KYAT3: variants seen among roughly 807,000 people sequenced by gnomAD.
KYAT3 encodes kynurenine aminotransferase 3.
Under a neutral mutation model 59.0 loss-of-function variants are expected in KYAT3, and 50 were observed. The ratio of observed to expected loss-of-function variants is 0.85; its 90% CI spans 0.68 to 1.07. The LOEUF (loss-of-function observed/expected upper bound fraction) is 1.07. Ranked by LOEUF, KYAT3 falls within the 50% of genes least tolerant of loss-of-function variation. The pLI is 0.00. For synonymous variants in KYAT3, 148 were observed against 177.0 expected (o/e 0.84, Z 1.30); for missense variants, 497 against 533.3 (o/e 0.93, Z 0.67).
chr1:88,964,305 T>C (rs886325324), intron 5 of KYAT3, among the ~76,000 whole-genome samples: 2 of 152,102 alleles, frequency 1.3e-5, no homozygotes, highest in Non-Finnish European at 2.9e-5. Context: ...AAGTTAAGAG[T>C]AAAGGTTATT....
chr1:88,977,544 G>A (rs1676842673), intron 2 of KYAT3, among the ~76,000 whole-genome samples: 1 of 152,124 alleles, frequency 6.6e-6, no homozygotes, highest in Non-Finnish European at 1.5e-5. Flanking sequence ...TCACCATGTT[G>A]GCCAGGCTGG....
intron 9 of KYAT3, among the ~76,000 whole-genome samples, chr1:88,953,970 T>C (rs1243655334): frequency 1.3e-5 from 2 of 151,636 alleles, no homozygotes; most frequent in African/African-American, 4.8e-5. Context: ...TGGCCGGATC[T>C]CGGCTCACTC....
chr1:88,980,772 AAAGGTCCTCACAG>A (rs1217809795), intron 2 of KYAT3: 1 of 152,184 alleles, frequency 6.6e-6, no homozygotes, highest in East Asian at 1.9e-4. Flanking sequence ...TTAAGAGCCA[AAAGGTCCTCACAG>A]AAGCTTTAAC....
Position 88,953,052 on chromosome 1 carries a change from A to G in KYAT3, c.954+11T>C. ...GACAATGCTTCTACCCTGAGTTACT[A>G]TAACACTTACCTGTAAAGGAGTTGC... On this transcript the variant is annotated intron_variant, in intron 10 of 13. Transcript: ENST00000260508. The G allele has an allele frequency of 6.5e-7, 1 of 1,542,750 alleles. No homozygotes were observed. Among genetic ancestry groups the G allele is most frequent in the Non-Finnish European group, 9.0e-7 (1 of 1,115,320 alleles).
downstream of KYAT3, among the ~76,000 whole-genome samples, chr1:88,933,963 A>G (rs919476961): frequency 6.6e-6 from 1 of 152,162 alleles, no homozygotes; most frequent in East Asian, 1.9e-4. Flanking sequence ...TTATAACTGG[A>G]GGGAAGGAAG....
chr1:88,943,262 TTGATCGATTTCAAA>T, intron 12 of KYAT3, 74 bp downstream of exon 12: 1 of 1,003,946 alleles, frequency 1.0e-6, no homozygotes, highest in Non-Finnish European at 1.5e-6. Context: ...AACATTACAT[TTGATCGATTTCAAA>T]GCATACCAGC....
chr1:88,940,834 G>A (rs941993673), intron 13 of KYAT3, among the ~76,000 whole-genome samples: 37 of 151,858 alleles, frequency 2.4e-4, no homozygotes, highest in African/African-American at 8.9e-4. Flanking sequence ...GTCTAGAGAA[G>A]TTCCTGCTGC....
the KYAT3 span, among the ~76,000 whole-genome samples, chr1:88,930,173 G>C: frequency 4.6e-5 from 7 of 152,200 alleles, no homozygotes; most frequent in Non-Finnish European, 5.9e-5. Context: ...TTGTTTACTG[G>C]TAGTGGCAGC....
chr1:88,965,464 T>G (rs1676312389), intron 4 of KYAT3, among the ~76,000 whole-genome samples: 1 of 152,164 alleles, frequency 6.6e-6, no homozygotes, highest in Non-Finnish European at 1.5e-5. Flanking sequence ...ACACTAGTGT[T>G]GATGTGATAG....
chr1:88,984,107 A>G (rs563862843), intron 2 of KYAT3: 1 of 495,186 alleles, frequency 2.0e-6, no homozygotes, highest in African/African-American at 1.9e-5. Flanking sequence ...TCAGAAGTGG[A>G]AATGTAAAGC....
At chr1:88,980,845 G>A (rs1677046364) in intron 2 of KYAT3, 1 of 152,186 alleles carries the variant, frequency 6.6e-6, no homozygotes, top group Admixed American at 6.5e-5. Flanking sequence ...AACTATGGAA[G>A]TGTAACAACC....
chr1:88,923,024 G>C, the KYAT3 span, among the ~76,000 whole-genome samples: 1 of 151,144 alleles, frequency 6.6e-6, no homozygotes, highest in Non-Finnish European at 1.5e-5. Flanking sequence ...GGAGAAGACA[G>C]AACTGTGAAA....
intron 2 of KYAT3, among the ~76,000 whole-genome samples, chr1:88,986,311 CT>C (rs1161226550): frequency 6.7e-6 from 1 of 148,698 alleles, no homozygotes; most frequent in Non-Finnish European, 1.5e-5. Flanking sequence ...TTTAGACTCT[CT>C]TAAAAAAAAA....
At chr1:88,941,209 A>T (rs7555698) in intron 13 of KYAT3, among the ~76,000 whole-genome samples, 5,816 of 152,288 alleles carry the variant, frequency 0.038, 322 homozygotes, top group African/African-American at 0.12. Flanking sequence ...ATTTCAGTCA[A>T]TTGAATGTTT....
intron 10 of KYAT3, among the ~76,000 whole-genome samples, chr1:88,950,271 G>C (rs950969628): frequency 2.6e-5 from 4 of 152,226 alleles, no homozygotes; most frequent in Admixed American, 1.3e-4. Flanking sequence ...TGGAGACAGA[G>C]AGGGGCAAGA....
chr1:88,972,449 G>A (rs996423062), intron 2 of KYAT3, among the ~76,000 whole-genome samples: 16 of 152,168 alleles, frequency 1.1e-4, no homozygotes, highest in African/African-American at 3.6e-4. Flanking sequence ...TCTGATGAAT[G>A]AATTTTTTTA....
At chr1:88,930,976 C>A (rs1017266013), downstream of KYAT3, among the ~76,000 whole-genome samples, 3 of 152,072 alleles carry the variant, frequency 2.0e-5, no homozygotes, top group African/African-American at 7.2e-5. Flanking sequence ...GGGGTAATCC[C>A]CTCCAGGAAA....
chr1:88,975,978 G>C (rs1471228888), intron 2 of KYAT3, among the ~76,000 whole-genome samples: 1 of 151,856 alleles, frequency 6.6e-6, no homozygotes, highest in Non-Finnish European at 1.5e-5. Context: ...AGGTTGCAGT[G>C]AGCCGGGATC....
At position 88,946,162 on chromosome 1, in the gene KYAT3, C is replaced by A. The variant is rs147132433; in HGVS notation, c.1142-2739G>T. Among the ~76,000 whole-genome samples, 84 of 152,282 alleles carry A rather than the reference C, an allele frequency of 5.5e-4. No homozygotes were observed. In the East Asian group the frequency reaches 0.014, roughly 26 times the overall value. On this transcript the variant is annotated intron_variant, in intron 11 of 13. Coordinates refer to ENST00000260508, the MANE Select transcript of KYAT3 (RefSeq NM_001008661.3). Reference sequence around the variant, plus strand: ...GGTTCCAGGAAAGAATTGTTCTTATCTAAAAAGCTAAGTTTCTTTTTATTC... The same window carrying A: ...GGTTCCAGGAAAGAATTGTTCTTATATAAAAAGCTAAGTTTCTTTTTATTC...
Sources: allele counts gnomAD v4.1 joint callset (sites outside exome capture counted in the v4.1 genomes callset), GRCh38; gene constraint gnomAD v4.1.1; transcripts MANE v1.5; gene names NCBI Gene and HGNC (gene_info 2026-07-23, HGNC 2026-07-21).